Variants in BNC1 observed in about 807,000 individuals in gnomAD.
The protein encoded by BNC1 is basonuclin zinc finger protein 1.
A neutral mutation model predicts 66.5 loss-of-function variants in BNC1; 8 were observed. The ratio of observed to expected loss-of-function variants is 0.12; its 90% CI spans 0.07 to 0.22. BNC1 has a LOEUF of 0.22. BNC1 is among the 10% of genes least tolerant of loss of function. BNC1 has a pLI of 1.00. For synonymous variants in BNC1, 454 were observed against 452.6 expected (o/e 1.00, Z -0.04); for missense variants, 1,069 against 1,241.3 (o/e 0.86, Z 2.09).
chr15:83,277,442 T>G (rs530568936), intron 1 of BNC1, among the ~76,000 whole-genome samples: 14 of 152,262 alleles, frequency 9.2e-5, no homozygotes, highest in Non-Finnish European at 1.8e-4. Context: ...CCTGAGTAGC[T>G]GGGACTACAG....
chr15:83,257,645 T>C lies in BNC1; in HGVS notation c.2782A>G (p.Ile928Val), dbSNP rs753377234. 21 of 1,614,038 alleles carry C rather than the reference T, an allele frequency of 1.3e-5. No individual in the cohort carries two copies. The South Asian group carries it at 2.0e-4, about 15-fold the overall frequency. The change falls in exon 5 of 5, where the codon ATA becomes GTA. Residue 928 changes from isoleucine (I) to valine (V), a missense_variant. By Grantham distance (29) the Ile-to-Val change is conservative. Transcript: ENST00000345382. ...SLASLPSGLPITCHLCQKTYS... is the reference protein window; with the variant it reads ...SLASLPSGLPVTCHLCQKTYS... ...GTCTTTTGGCAGAGATGACAGGTTA[T>C]GGGCAACCCAGAAGGCAGGCTAGCA...
intron 1 of BNC1, among the ~76,000 whole-genome samples, chr15:83,270,801 G>T (rs1239580887): frequency 2.0e-5 from 3 of 152,024 alleles, no homozygotes; most frequent in Non-Finnish European, 4.4e-5. Context: ...TTTCTTGATG[G>T]TATCCTTTGA....
At position 83,263,163 on chromosome 15, in the gene BNC1, A is replaced by G. The variant is rs188800425; in HGVS notation, c.2088T>C (p.Cys696=). The G allele has an allele frequency of 8.6e-5, 139 of 1,614,202 alleles. No individual in the cohort carries two copies. In the Admixed American group the frequency reaches 2.3e-3, roughly 27 times the overall value. ...GCTCCAGTTCTTTAGAATCTTCAAG[A>G]CAAGGAAAAGCCATTCCCCTGTTGG... The part of the protein sequence containing the change: ...ALSNRGMAFP[C]LEDSKELEHV... Residue 696 remains cysteine, a synonymous_variant, in exon 4 of 5, where the codon TGT becomes TGC. Coordinates refer to ENST00000345382, the MANE Select transcript of BNC1 (RefSeq NM_001717.4).
chr15:83,282,905 G>A (rs2038394321), intron 1 of BNC1, among the ~76,000 whole-genome samples: 1 of 152,188 alleles, frequency 6.6e-6, no homozygotes, highest in African/African-American at 2.4e-5. Context: ...GGGATTCCCA[G>A]GACACCGGTG....
At chr15:83,279,469 T>C (rs2038357680) in intron 1 of BNC1, among the ~76,000 whole-genome samples, 1 of 152,170 alleles carries the variant, frequency 6.6e-6, no homozygotes, top group Non-Finnish European at 1.5e-5. Flanking sequence ...AGAGAGGGCT[T>C]CCTCCAGGAA....
In BNC1 at chr15:83,274,579, C is replaced by G. The variant is rs942036612; in HGVS notation, c.100-6347G>C. ...GGTAGATTAGCCACCCTTCCAGCAT[C>G]TGCTTTTTGACGTGGTTTATCATGT... On this transcript the variant is annotated intron_variant, in intron 1 of 4. Coordinates refer to ENST00000345382, the MANE Select transcript of BNC1 (RefSeq NM_001717.4). Among the ~76,000 whole-genome samples the G allele has an allele frequency of 2.6e-5, 4 of 152,272 alleles. 1 individual carries two copies. Among genetic ancestry groups the G allele is most frequent in the African/African-American group, 9.6e-5 (4 of 41,556 alleles).
intron 1 of BNC1, among the ~76,000 whole-genome samples, chr15:83,276,448 T>C (rs2038324798): frequency 6.6e-6 from 1 of 152,230 alleles, no homozygotes. Flanking sequence ...AACAAATCAA[T>C]GAGAGAACTG....
intron 1 of BNC1, among the ~76,000 whole-genome samples, chr15:83,282,119 G>A (rs1454649487): frequency 6.6e-6 from 1 of 152,182 alleles, no homozygotes; most frequent in Non-Finnish European, 1.5e-5. Flanking sequence ...AGTCTGAAGG[G>A]ACACTATAGG....
rs2038236215 is a variant in BNC1, at chr15:83,268,225, C to A, written c.107G>T (p.Ser36Ile). The change falls in exon 2 of 5, where the codon AGC (serine) becomes ATC (isoleucine). Residue 36 changes from serine (S) to isoleucine (I), a missense_variant. Coordinates refer to ENST00000345382, the MANE Select transcript of BNC1 (RefSeq NM_001717.4). ...RSGRRMAEAI[S>I]CTLNCSCQSF... is the part of the protein sequence containing the mutation. ...TTGGCAACTACAGTTCAGAGTACAG[C>A]TGATAGCCTGAAAAAGAGGAGAAAA... 6.2e-7 allele frequency: 1 copy of A among 1,613,644 alleles called. No individual in the cohort carries two copies. Among genetic ancestry groups the A allele is most frequent in the Admixed American group, 1.7e-5 (1 of 60,018 alleles).
chr15:83,259,892 A>G (rs2038122118), intron 4 of BNC1, among the ~76,000 whole-genome samples: 1 of 152,176 alleles, frequency 6.6e-6, no homozygotes, highest in Admixed American at 6.5e-5. Context: ...ATCATGTGCC[A>G]GGCTTTGGTT....
rs1455593388 is a variant in BNC1, at chr15:83,264,481, A to G, written c.770T>C (p.Ile257Thr). ...QFFNPLPPAL[I>T]GSLPEQYMLE... ...CATATATTGTTCGGGCAATGACCCT[A>G]TCAGTGCAGGAGGCAGAGGGTTGAA... is the stretch of plus-strand genomic sequence containing the variant. The change falls in exon 4 of 5, where the codon ATA (isoleucine) becomes ACA (threonine). Residue 257 changes from isoleucine (I) to threonine (T), a missense_variant. Around this residue, in one of 7 missense-constraint regions of BNC1, gnomAD observed 181 missense variants for 181.5 expected, o/e 1.00. Transcript: ENST00000345382. 2 of 1,614,038 alleles carry G rather than the reference A, an allele frequency of 1.2e-6. No homozygotes were observed. The highest frequency in any genetic ancestry group is 4.5e-5 in the East Asian group (2 of 44,884).
intron 1 of BNC1, among the ~76,000 whole-genome samples, chr15:83,282,962 G>C (rs1211373630): frequency 1.3e-5 from 2 of 152,150 alleles, no homozygotes; most frequent in Non-Finnish European, 2.9e-5. Context: ...AGGCCTGGCT[G>C]AGACCAGGCG....
chr15:83,265,268 T>C (rs554906836), intron 3 of BNC1, among the ~76,000 whole-genome samples: 51 of 152,346 alleles, frequency 3.3e-4, no homozygotes, highest in African/African-American at 1.2e-3. Context: ...AGTTTAATAA[T>C]CTTCCTAAGC....
Position 83,263,975 on chromosome 15 carries a change from G to T in BNC1, c.1276C>A (p.Leu426Ile). 2 of 1,614,218 alleles carry T rather than the reference G, an allele frequency of 1.2e-6. No individual in the cohort carries two copies. Among genetic ancestry groups the T allele is most frequent in the Non-Finnish European group, 1.7e-6 (2 of 1,180,048 alleles). ...CTGGCCAGGTTCAGGCTGTTCCTGA[G>T]GTCTTTGTCCCGGTTATTTCTGTTC... ...PMNRNNRDKDLRNSLNLASSE... is the reference protein window; with the variant it reads ...PMNRNNRDKDIRNSLNLASSE... The change falls in exon 4 of 5, where the codon CTC becomes ATC. Residue 426 changes from leucine (L) to isoleucine (I), a missense_variant. Leu to Ile is a conservative substitution (Grantham distance 5). This residue lies in a region of BNC1 where 657 missense variants were observed against 715.8 expected (regional missense o/e 0.92). Coordinates refer to ENST00000345382, the MANE Select transcript of BNC1 (RefSeq NM_001717.4).
At chr15:83,281,808 A>G (rs894152303) in intron 1 of BNC1, among the ~76,000 whole-genome samples, 3 of 152,254 alleles carry the variant, frequency 2.0e-5, no homozygotes, top group Non-Finnish European at 2.9e-5. Flanking sequence ...TTTGTTCCAC[A>G]GGGAAACCTG....
chr15:83,283,174 A>G (rs2038399764), intron 1 of BNC1: 2 of 1,535,614 alleles, frequency 1.3e-6, no homozygotes, highest in Non-Finnish European at 1.7e-6. Flanking sequence ...AGCCACAAAG[A>G]GATGCCTTAA....
rs762014819 is a variant in BNC1 at position 83,262,999 on chromosome 15, G to C, written c.2252C>G (p.Thr751Arg). The change falls in exon 4 of 5, where the codon ACA becomes AGA. Residue 751 changes from threonine to arginine, a missense_variant. Coordinates refer to ENST00000345382, the MANE Select transcript of BNC1 (RefSeq NM_001717.4). ...NMHVKEMHTC[T>R]VEGCNATFPS... is the part of the protein sequence containing the mutation. ...AAAGGTAGCATTACAGCCCTCCACTGTGCATGTGTGCATTTCTTTGACATG... is the reference window on the plus strand; with the variant it reads ...AAAGGTAGCATTACAGCCCTCCACTCTGCATGTGTGCATTTCTTTGACATG... The C allele has an allele frequency of 6.2e-7, 1 of 1,614,128 alleles. No homozygotes were observed. The highest frequency in any genetic ancestry group is 8.5e-7 in the Non-Finnish European group (1 of 1,180,008).
chr15:83,267,981 CTT>C (rs2038234157), intron 2 of BNC1, 150 bp downstream of exon 2: 5 of 656,692 alleles, frequency 7.6e-6, no homozygotes, highest in South Asian at 3.9e-5. Flanking sequence ...ATTCAAGACT[CTT>C]TGAATCTTAG....
At chr15:83,281,210 C>T (rs1595943823) in intron 1 of BNC1, among the ~76,000 whole-genome samples, 1 of 152,108 alleles carries the variant, frequency 6.6e-6, no homozygotes, top group South Asian at 2.1e-4. Context: ...AAAAGGACTT[C>T]AAAGAATGAC....
Sources: gnomAD v4.1 joint callset for allele counts (sites outside exome capture counted in the v4.1 genomes callset) on GRCh38, gnomAD v4.1.1 for gene constraint, gnomAD v4.1.1 regional missense constraint, MANE v1.5 for transcripts, NCBI Gene and HGNC (gene_info 2026-07-23, HGNC 2026-07-21) for gene names.